Variants in DNAH9 observed in about 807,000 individuals in gnomAD.
The protein encoded by DNAH9 is DNAH9 variant protein.
In DNAH9, 345 loss-of-function variants were observed where a neutral mutation model predicts 471.6. The observed-to-expected ratio is 0.73, with a 90% CI of 0.67 to 0.80. The LOEUF (loss-of-function observed/expected upper bound fraction) is 0.80. DNAH9 is among the 30% of genes least tolerant of loss of function. The pLI is 0.00. For synonymous variants in DNAH9, 2,093 were observed against 2,123.6 expected, an observed-to-expected ratio of 0.99 and a Z score of 0.40; for missense variants, 5,407 against 5,609.2, an observed-to-expected ratio of 0.96 and a Z score of 1.15.
chr17:11,633,978 A>T (rs1406581359), intron 8 of DNAH9, among the ~76,000 whole-genome samples: 1 of 152,200 alleles, frequency 6.6e-6, no homozygotes, highest in African/African-American at 2.4e-5. Context: ...GGTCCCCACC[A>T]TGAAAACATG....
At chr17:11,923,707 C>T (rs1974217347) in intron 61 of DNAH9, 107 bp from the exon 62 acceptor site, 1 of 1,390,106 alleles carries the variant, frequency 7.2e-7, no homozygotes, top group Non-Finnish European at 9.9e-7. Context: ...TAGATTTGGG[C>T]ATGCCCGTGT....
chr17:11,712,918 T>G (rs1350639021), intron 26 of DNAH9, among the ~76,000 whole-genome samples: 1 of 152,052 alleles, frequency 6.6e-6, no homozygotes, highest in Non-Finnish European at 1.5e-5. Flanking sequence ...AACTTTTATT[T>G]TAGGTTTTGG....
chr17:11,884,070 G>C (rs1309623760), intron 56 of DNAH9, among the ~76,000 whole-genome samples: 1 of 152,188 alleles, frequency 6.6e-6, no homozygotes, highest in East Asian at 1.9e-4. Flanking sequence ...GGATACCTCA[G>C]ATAGTGTGTG....
At chr17:11,698,659 G>T (rs553788339) in intron 22 of DNAH9, among the ~76,000 whole-genome samples, 2 of 152,094 alleles carry the variant, frequency 1.3e-5, no homozygotes, top group East Asian at 3.9e-4. Context: ...TAAAAGTCAG[G>T]ATACCAGCAG....
intron 59 of DNAH9, among the ~76,000 whole-genome samples, chr17:11,900,973 A>G (rs555546146): frequency 9.2e-5 from 14 of 152,220 alleles, no homozygotes; most frequent in Non-Finnish European, 2.1e-4. Context: ...TTCCAACATC[A>G]AGACTGATGA....
intron 14 of DNAH9, 89 bp downstream of exon 14, chr17:11,653,091 C>A: frequency 7.5e-7 from 1 of 1,326,820 alleles, no homozygotes; most frequent in Non-Finnish European, 1.1e-6. Context: ...TTAGGACAGT[C>A]AGTAAGTGCA....
At chr17:11,915,748 G>T (rs1345642438) in intron 61 of DNAH9, among the ~76,000 whole-genome samples, 1 of 152,158 alleles carries the variant, frequency 6.6e-6, no homozygotes, top group Non-Finnish European at 1.5e-5. Flanking sequence ...TACTCATCCT[G>T]CAAATTACCA....
intron 23 of DNAH9, among the ~76,000 whole-genome samples, chr17:11,700,176 G>A (rs1204447759): frequency 2.6e-5 from 4 of 152,162 alleles, no homozygotes; most frequent in East Asian, 1.9e-4. Context: ...ATGAGAAAAG[G>A]ATTTTAAAAT....
intron 15 of DNAH9, among the ~76,000 whole-genome samples, chr17:11,667,179 T>C (rs1266056245): frequency 1.3e-5 from 2 of 152,228 alleles, no homozygotes; most frequent in Non-Finnish European, 2.9e-5. Flanking sequence ...GTAAACTATA[T>C]GCAACTTTGT....
chr17:11,699,832 C>G lies in DNAH9; in HGVS notation c.4974C>G (p.Ser1658Arg), dbSNP rs781749980. 1 of 1,614,148 alleles carries G rather than the reference C, an allele frequency of 6.2e-7. No homozygotes were observed. Among genetic ancestry groups the G allele is most frequent in the African/African-American group, 1.3e-5 (1 of 75,050 alleles). ...CCAAGACAAGCCTCGGCATGTACAG[C>G]AAAGAAGAGGAGTATGTGGCTTTCA... ...EPTKTSLGMY[S>R]KEEEYVAFSE... Residue 1658 changes from serine to arginine, a missense_variant, in exon 23 of 69, where the codon AGC becomes AGG. Physicochemically the swap from Ser to Arg is moderately radical, Grantham distance 110 (BLOSUM62 -1). Around this residue, in one of 3 missense-constraint regions of DNAH9, gnomAD observed 4,636 missense variants for 4,900.3 expected, o/e 0.95. Transcript: ENST00000262442.
rs760630638 is a variant in DNAH9, at chr17:11,962,217, C to G, written c.13194C>G (p.Ile4398Met). 1 of 1,612,830 alleles carries G rather than the reference C, an allele frequency of 6.2e-7. No individual in the cohort carries two copies. Among genetic ancestry groups the G allele is most frequent in the Non-Finnish European group, 8.5e-7 (1 of 1,179,502 alleles). ...GTCCTCCTCGGGAAGGGGCCTACAT[C>G]CATGGCCTCTTCATGGAAGGTGCCT... ...FRSPPREGAY[I>M]HGLFMEGACW... Residue 4398 changes from isoleucine to methionine, a missense_variant, in exon 68 of 69, where the codon ATC becomes ATG. Physicochemically the swap from Ile to Met is conservative, Grantham distance 10. Transcript: ENST00000262442. This position sits in a 1 kb window ranked among gnomAD's most constrained non-coding sequence, Gnocchi z 4.1.
At chr17:11,701,974 G>A (rs977965076) in intron 24 of DNAH9, among the ~76,000 whole-genome samples, 13 of 152,250 alleles carry the variant, frequency 8.5e-5, no homozygotes, top group African/African-American at 2.6e-4. Context: ...GAGCCTCCGC[G>A]CCCGGCCATG....
At chr17:11,948,058 C>T (rs1223854141) in intron 67 of DNAH9, among the ~76,000 whole-genome samples, 1 of 151,580 alleles carries the variant, frequency 6.6e-6, no homozygotes, top group African/African-American at 2.4e-5. Flanking sequence ...AGCCACCACG[C>T]CTGGCCAGGA....
intron 17 of DNAH9, among the ~76,000 whole-genome samples, chr17:11,673,971 C>T: frequency 6.6e-6 from 1 of 151,984 alleles, no homozygotes; most frequent in East Asian, 1.9e-4. Flanking sequence ...TTATTGTATG[C>T]CATATATTTT....
chr17:11,781,290 G>T, intron 39 of DNAH9, 116 bp downstream of exon 39: 1 of 1,145,236 alleles, frequency 8.7e-7, no homozygotes, highest in South Asian at 2.0e-5. Flanking sequence ...GTGCCAGATG[G>T]GAATCTTTGT....
At chr17:11,890,794 A>G (rs1230791853) in intron 57 of DNAH9, among the ~76,000 whole-genome samples, 1 of 151,974 alleles carries the variant, frequency 6.6e-6, no homozygotes, top group African/African-American at 2.4e-5. Context: ...TTGCAGCCTC[A>G]AACTCCCGCT....
intron 27 of DNAH9, among the ~76,000 whole-genome samples, chr17:11,724,248 C>A (rs1359374939): frequency 6.6e-6 from 1 of 152,106 alleles, no homozygotes; most frequent in Non-Finnish European, 1.5e-5. Context: ...GATTAGTAAT[C>A]ATAGTCCCCT....
chr17:11,811,188 C>G (rs1158167445), intron 45 of DNAH9, among the ~76,000 whole-genome samples: 1 of 152,124 alleles, frequency 6.6e-6, no homozygotes, highest in African/African-American at 2.4e-5. Context: ...TGGTGTGCAC[C>G]TGTAGTCCCA....
Position 11,839,282 on chromosome 17 carries a change from C to T in DNAH9, c.9507+4384C>T, listed in dbSNP as rs537830793. Among the ~76,000 whole-genome samples the T allele has an allele frequency of 4.2e-4, 64 of 151,460 alleles. 1 individual carries two copies. The highest frequency in any genetic ancestry group is 1.2e-3 in the African/African-American group (49 of 41,326). On this transcript the variant is annotated intron_variant, in intron 49 of 68. Coordinates refer to ENST00000262442, the MANE Select transcript of DNAH9 (RefSeq NM_001372.4). ...CTGTAATCCCAGCACTTTGGGAGGC[C>T]GAGGCGGGCGGATCACGAGGTCAGG...
Sources: allele counts gnomAD v4.1 joint callset (sites outside exome capture counted in the v4.1 genomes callset), GRCh38; gene constraint gnomAD v4.1.1; regional missense constraint gnomAD v4.1.1; non-coding constraint Gnocchi (gnomAD v3.1); transcripts MANE v1.5; gene names NCBI Gene and HGNC (gene_info 2026-07-23, HGNC 2026-07-21).